Variants in IGF2R observed in about 807,000 individuals in gnomAD.
The protein encoded by IGF2R is insulin like growth factor 2 receptor.
IGF2R carries 91 observed loss-of-function variants against 270.6 expected under a neutral mutation model. The observed-to-expected ratio is 0.34, with a 90% CI of 0.28 to 0.40. The LOEUF (loss-of-function observed/expected upper bound fraction) is 0.40. IGF2R is among the 10% of genes least tolerant of loss of function. The pLI is 1.00. For synonymous variants in IGF2R, 1,316 were observed against 1,258.9 expected (o/e 1.05, Z -0.96); for missense variants, 2,805 against 3,188.3 (o/e 0.88, Z 2.90).
intron 2 of IGF2R, among the ~76,000 whole-genome samples, chr6:160,001,897 C>T (rs1184414814): frequency 6.6e-6 from 1 of 152,134 alleles, no homozygotes; most frequent in Non-Finnish European, 1.5e-5. Flanking sequence ...TTGAACAACG[C>T]TAGAGTTAGG....
At chr6:159,992,412 C>T (rs545156428) in intron 2 of IGF2R, among the ~76,000 whole-genome samples, 364 of 152,152 alleles carry the variant, frequency 2.4e-3, no homozygotes, top group Non-Finnish European at 4.2e-3. Flanking sequence ...TTCCACTGTC[C>T]GTGTCCATGT....
intron 26 of IGF2R, 56 bp downstream of exon 26, chr6:160,062,675 C>A: frequency 8.0e-7 from 1 of 1,252,550 alleles, no homozygotes; most frequent in Non-Finnish European, 1.2e-6. Flanking sequence ...AGCAGACGTT[C>A]TGAACGATGC....
rs184650364 is a variant in IGF2R at position 160,029,688 on chromosome 6, C to G, written c.882+33C>G. ...ACTCGTCTCCTGATCACTAATGTGG[C>G]GCACAGTAGCCTGGGTTGCCCATGC... On this transcript the variant is annotated intron_variant, in intron 7 of 47. Coordinates refer to ENST00000356956, the MANE Select transcript of IGF2R (RefSeq NM_000876.4). 8 of 1,481,456 alleles carry G rather than the reference C, an allele frequency of 5.4e-6. No homozygotes were observed. In the African/African-American group the frequency reaches 1.1e-4, roughly 21 times the overall value. 91.8% of individuals were successfully genotyped at this position (1,481,456 alleles called of 1,614,324 possible). A position where few individuals can be genotyped will look rare whatever the true frequency, so the allele number is the denominator to read the frequency against.
chr6:160,006,059 C>G (rs1784222880), intron 2 of IGF2R: 2 of 157,582 alleles, frequency 1.3e-5, no homozygotes, highest in African/African-American at 4.9e-5. Flanking sequence ...CCCTGTACCA[C>G]CCGGCATCCT....
chr6:160,069,966 A>G lies in IGF2R; in HGVS notation c.4351A>G (p.Ile1451Val), dbSNP rs755875624. The G allele has an allele frequency of 6.2e-7, 1 of 1,614,178 alleles. No individual in the cohort carries two copies. The highest frequency in any genetic ancestry group is 1.7e-5 in the Admixed American group (1 of 60,016). The change falls in exon 31 of 48, where the codon ATT becomes GTT. Residue 1451 changes from isoleucine (I) to valine (V), a missense_variant. Physicochemically the swap from Ile to Val is conservative, Grantham distance 29. Coordinates refer to ENST00000356956, the MANE Select transcript of IGF2R (RefSeq NM_000876.4). ...CGGACCTCAGTGGAGAGATGGCATA[A>G]TTGTCCTGAAATACGTTGATGGCGA... ...RDGPQWRDGI[I>V]VLKYVDGDLC...
At position 160,078,276 on chromosome 6, in the gene IGF2R, G is replaced by C. The variant is rs765622731; in HGVS notation, c.5392G>C (p.Glu1798Gln). The change falls in exon 37 of 48, where the codon GAA (glutamate) becomes CAA (glutamine). Residue 1798 changes from glutamate (E) to glutamine (Q), a missense_variant. Glu to Gln is a conservative substitution (Grantham distance 29, BLOSUM62 2). Transcript: ENST00000356956. ...EWETPVVCPDEVRMDGCTLTD... is the reference protein window; with the variant it reads ...EWETPVVCPDQVRMDGCTLTD... ...GGAGACTCCTGTCGTCTGTCCTGAT[G>C]AAGTGAGGATGGATGGCTGTACCCT... The C allele has an allele frequency of 2.5e-6, 4 of 1,614,186 alleles. No homozygotes were observed. In the East Asian group the frequency reaches 8.9e-5, roughly 36 times the overall value.
chr6:160,094,260 TCTG>T, intron 44 of IGF2R: 1 of 310,630 alleles, frequency 3.2e-6, no homozygotes, highest in Non-Finnish European at 6.3e-6. Flanking sequence ...CTTCCTCTGT[TCTG>T]CTGCTGAATG....
chr6:160,097,868 C>G (rs910334232), intron 45 of IGF2R, among the ~76,000 whole-genome samples: 2 of 152,184 alleles, frequency 1.3e-5, no homozygotes, highest in African/African-American at 4.8e-5. Flanking sequence ...CAGCTTTGTC[C>G]TGTGCTGTTC....
chr6:160,046,699 T>C (rs1487577090), intron 15 of IGF2R, 54 bp downstream of exon 15: 7 of 1,565,262 alleles, frequency 4.5e-6, no homozygotes, highest in Non-Finnish European at 6.1e-6. Context: ...CTAAGAAATA[T>C]TATTTTCAGG....
chr6:159,972,018 G>C lies in IGF2R; in HGVS notation c.149+2623G>C, dbSNP rs565484106. ...ACTTTTTGAAAACTTTTCTTGGGGC[G>C]GGGGAGGTTATCAGTCATCTGTACT... On this transcript the variant is annotated intron_variant, in intron 1 of 47. Coordinates refer to ENST00000356956, the MANE Select transcript of IGF2R (RefSeq NM_000876.4). Among the ~76,000 whole-genome samples, 8 of 152,222 alleles carry C rather than the reference G, an allele frequency of 5.3e-5. No individual in the cohort carries two copies. In the South Asian group the frequency reaches 1.7e-3, roughly 32 times the overall value.
intron 2 of IGF2R, chr6:160,005,099 C>T (rs145900439): frequency 6.6e-6 from 1 of 152,390 alleles, no homozygotes; most frequent in Non-Finnish European, 1.5e-5. Flanking sequence ...TCCCGTGTTG[C>T]AAGCTTGGTT....
chr6:160,084,142 C>G lies in IGF2R; in HGVS notation c.6026C>G (p.Ser2009Cys). 6.2e-7 allele frequency: 1 copy of G among 1,614,114 alleles called. No individual in the cohort carries two copies. Among genetic ancestry groups the G allele is most frequent in the Non-Finnish European group, 8.5e-7 (1 of 1,179,950 alleles). Residue 2009 changes from serine to cysteine, a missense_variant, in exon 40 of 48, where the codon TCC (serine) becomes TGC (cysteine). Around this residue, in one of 2 missense-constraint regions of IGF2R, gnomAD observed 1,851 missense variants for 2,207.2 expected, o/e 0.84. Transcript: ENST00000356956. The surrounding 1 kb of genome is among the most constrained non-coding windows in gnomAD (Gnocchi z 4.6). The part of the protein sequence containing the change: ...KHKTYDLRLL[S>C]SLTGSWSLVH... ...AAAACCTACGACCTGCGGCTGCTCT[C>G]CTCTCTCACCGGGTCCTGGTCCCTC... is the stretch of plus-strand genomic sequence containing the variant.
chr6:160,057,971 C>T lies in IGF2R; in HGVS notation c.2797-52C>T, dbSNP rs889732172. 9 of 1,050,024 alleles carry T rather than the reference C, an allele frequency of 8.6e-6. No individual in the cohort carries two copies. The African/African-American group carries it at 1.3e-4, about 15-fold the overall frequency. 65.0% of individuals were successfully genotyped at this position (1,050,024 alleles called of 1,614,324 possible). On this transcript the variant is annotated intron_variant, in intron 20 of 47. Coordinates refer to ENST00000356956, the MANE Select transcript of IGF2R (RefSeq NM_000876.4). ...GGAGGTGCTGTATGTATGTTATGTT[C>T]CTGTGGAATTGGTTTGAATGCGCCC... is the stretch of plus-strand genomic sequence containing the variant.
rs770183759 is a variant in IGF2R at position 160,048,569 on chromosome 6, C to T, written c.2514+26C>T. On this transcript the variant is annotated intron_variant, in intron 18 of 47. Coordinates refer to ENST00000356956, the MANE Select transcript of IGF2R (RefSeq NM_000876.4). ...GTGAATCTGTTTTCACTGCTTGTCT[C>T]CTTTGCCCTCCTAATTCCATGACTT... 3.7e-6 allele frequency: 6 copies of T among 1,607,822 alleles called. No individual in the cohort carries two copies. The South Asian group carries it at 4.4e-5, about 12-fold the overall frequency.
intron 2 of IGF2R, among the ~76,000 whole-genome samples, chr6:159,994,442 A>G (rs1003236075): frequency 6.6e-6 from 1 of 150,992 alleles, no homozygotes; most frequent in East Asian, 1.9e-4. Context: ...GGGGGTCTCA[A>G]TTTCGTTTAG....
At position 160,078,309 on chromosome 6, in the gene IGF2R, G is replaced by A. The variant is rs1300907853; in HGVS notation, c.5425G>A (p.Glu1809Lys). The change falls in exon 37 of 48, where the codon GAG becomes AAG. Residue 1809 changes from glutamate to lysine, a missense_variant. Around this residue, in one of 2 missense-constraint regions of IGF2R, gnomAD observed 1,851 missense variants for 2,207.2 expected, o/e 0.84. Coordinates refer to ENST00000356956, the MANE Select transcript of IGF2R (RefSeq NM_000876.4). The part of the protein sequence containing the change: ...VRMDGCTLTD[E>K]QLLYSFNLSS... ...GATGGATGGCTGTACCCTGACAGAT[G>A]AGCAGCTCCTCTACAGCTTCAACTT... 5.6e-6 allele frequency: 9 copies of A among 1,614,192 alleles called. No individual in the cohort carries two copies. The highest frequency in any genetic ancestry group is 7.6e-6 in the Non-Finnish European group (9 of 1,180,004).
chr6:160,034,748 G>A (rs928141574), intron 10 of IGF2R, among the ~76,000 whole-genome samples: 3 of 152,036 alleles, frequency 2.0e-5, no homozygotes, highest in Non-Finnish European at 4.4e-5. Flanking sequence ...TGTTTTCCTC[G>A]GTTTTCTCTG....
chr6:159,976,807 A>G (rs1360777667), intron 1 of IGF2R, among the ~76,000 whole-genome samples: 1 of 152,054 alleles, frequency 6.6e-6, no homozygotes, highest in African/African-American at 2.4e-5. Context: ...GTGCGGGTAA[A>G]TGTGGTGGAA....
Position 160,070,174 on chromosome 6 carries a change from T to C in IGF2R, c.4443+116T>C. 5.1e-6 allele frequency: 5 copies of C among 984,818 alleles called. 1 individual carries two copies. In the South Asian group the frequency reaches 7.7e-5, roughly 15 times the overall value. 61.0% of individuals were successfully genotyped at this position (984,818 alleles called of 1,614,324 possible). A position where few individuals can be genotyped will look rare whatever the true frequency, so the allele number is the denominator to read the frequency against. ...GGGATGCGAGTTCTAGAGCCTGGGA[T>C]GATGCGCCCTTACCAGAGGTTGGGG... On this transcript the variant is annotated intron_variant, in intron 31 of 47. Coordinates refer to ENST00000356956, the MANE Select transcript of IGF2R (RefSeq NM_000876.4).
Sources: gnomAD v4.1 joint callset for allele counts (sites outside exome capture counted in the v4.1 genomes callset) on GRCh38, gnomAD v4.1.1 for gene constraint, gnomAD v4.1.1 regional missense constraint, Gnocchi (gnomAD v3.1) non-coding constraint, MANE v1.5 for transcripts, NCBI Gene and HGNC (gene_info 2026-07-23, HGNC 2026-07-21) for gene names.